Variants in ZRANB3 observed in about 807,000 individuals in gnomAD.
ZRANB3 encodes the protein zinc finger RANBP2-type containing 3, also known as DNA annealing helicase and endonuclease ZRANB3.
ZRANB3 carries 125 observed loss-of-function variants against 133.8 expected under a neutral mutation model. That is an observed-to-expected ratio of 0.93 (90% CI 0.81 to 1.08). The LOEUF (loss-of-function observed/expected upper bound fraction) is 1.08. Ranked by LOEUF, ZRANB3 falls within the 50% of genes least tolerant of loss-of-function variation. The pLI is 0.00. For synonymous variants in ZRANB3, 387 were observed against 432.7 expected (o/e 0.89, Z 1.31); for missense variants, 1,229 against 1,275.5 (o/e 0.96, Z 0.56).
chr2:135,470,840 C>T (rs188910244), intron 2 of ZRANB3, among the ~76,000 whole-genome samples: 4,879 of 145,580 alleles, frequency 0.034, 110 homozygotes, highest in Middle Eastern at 0.11. Context: ...CTCACTCTGT[C>T]GCCCAGGCTG....
At chr2:135,201,699 C>G (rs1405177095) in intron 20 of ZRANB3, among the ~76,000 whole-genome samples, 1 of 150,844 alleles carries the variant, frequency 6.6e-6, no homozygotes, top group African/African-American at 2.4e-5. Context: ...AGAGTTCATA[C>G]TTTATAAACA....
intron 2 of ZRANB3, among the ~76,000 whole-genome samples, chr2:135,414,657 T>C (rs1195376125): frequency 6.6e-5 from 10 of 152,138 alleles, no homozygotes; most frequent in Non-Finnish European, 1.5e-4. Flanking sequence ...ATACATTTTT[T>C]TCAGCACCAC....
intron 2 of ZRANB3, among the ~76,000 whole-genome samples, chr2:135,485,233 G>C (rs928871564): frequency 6.6e-6 from 1 of 150,904 alleles, no homozygotes; most frequent in Non-Finnish European, 1.5e-5. Context: ...CAGTTCCAAA[G>C]TAGGAGGAAT....
intron 2 of ZRANB3, among the ~76,000 whole-genome samples, chr2:135,397,673 A>G (rs1687553901): frequency 6.6e-6 from 1 of 152,204 alleles, no homozygotes; most frequent in South Asian, 2.1e-4. Context: ...CAGGAGGGCT[A>G]CTAAAAGTAA....
At chr2:135,398,449 T>C (rs1284971969) in intron 2 of ZRANB3, among the ~76,000 whole-genome samples, 2 of 152,056 alleles carry the variant, frequency 1.3e-5, no homozygotes, top group African/African-American at 4.8e-5. Flanking sequence ...AGCTGCACAT[T>C]TCATTGTATC....
chr2:135,355,137 T>G (rs1685372972), intron 3 of ZRANB3: 1 of 770,112 alleles, frequency 1.3e-6, no homozygotes, highest in African/African-American at 1.9e-5. Context: ...TTGAGAAAAC[T>G]TTATTATTTT....
chr2:135,455,858 T>G (rs533984768), intron 2 of ZRANB3, among the ~76,000 whole-genome samples: 15 of 152,232 alleles, frequency 9.9e-5, no homozygotes, highest in South Asian at 2.1e-4. Flanking sequence ...CCTCCCAAAG[T>G]GCTGGGATTA....
chr2:135,272,623 C>G (rs1481388359), intron 9 of ZRANB3, among the ~76,000 whole-genome samples: 2 of 151,734 alleles, frequency 1.3e-5, no homozygotes, highest in Non-Finnish European at 2.9e-5. Context: ...CAGTGTTAGC[C>G]AGGATGGTCT....
Position 135,422,722 on chromosome 2 carries a change from T to C in ZRANB3, c.162-31902A>G, listed in dbSNP as rs1293597155. Reference sequence around the variant, plus strand: ...GGTATTACTGCAGGAGGAGAGGGTGTGAAGATGTGAAGAAAATAGAATGAC... The same window carrying C: ...GGTATTACTGCAGGAGGAGAGGGTGCGAAGATGTGAAGAAAATAGAATGAC... On this transcript the variant is annotated intron_variant, in intron 2 of 20. Coordinates refer to ENST00000264159, the MANE Select transcript of ZRANB3 (RefSeq NM_032143.4). Among the ~76,000 whole-genome samples the C allele has an allele frequency of 3.3e-5, 5 of 152,220 alleles. No homozygotes were observed. The East Asian group carries it at 7.7e-4, about 24-fold the overall frequency.
intron 8 of ZRANB3, 49 bp downstream of exon 8, chr2:135,313,440 T>A: frequency 8.4e-7 from 1 of 1,188,984 alleles, no homozygotes; most frequent in Non-Finnish European, 1.2e-6. Flanking sequence ...GTAAAAGACA[T>A]TGAATAATTT....
At chr2:135,478,137 G>A (rs1445154823) in intron 2 of ZRANB3, among the ~76,000 whole-genome samples, 1 of 151,776 alleles carries the variant, frequency 6.6e-6, no homozygotes. Flanking sequence ...GAACTATTTC[G>A]ATAGTGTCTA....
intron 12 of ZRANB3, among the ~76,000 whole-genome samples, chr2:135,258,373 G>A (rs1373383668): frequency 6.6e-6 from 1 of 152,212 alleles, no homozygotes; most frequent in East Asian, 1.9e-4. Context: ...GAGCCTTGGG[G>A]AGTTAGCACC....
chr2:135,443,951 A>G (rs571213926), intron 2 of ZRANB3, among the ~76,000 whole-genome samples: 2 of 152,322 alleles, frequency 1.3e-5, no homozygotes, highest in East Asian at 1.9e-4. Flanking sequence ...AGACAACCCA[A>G]TTAAAACTTA....
intron 3 of ZRANB3, among the ~76,000 whole-genome samples, chr2:135,365,428 A>C (rs1685887439): frequency 6.6e-6 from 1 of 152,240 alleles, no homozygotes. Context: ...TAATCAATTA[A>C]AGTGCTATAT....
intron 12 of ZRANB3, among the ~76,000 whole-genome samples, chr2:135,264,707 T>C (rs1680137382): frequency 6.6e-6 from 1 of 152,012 alleles, no homozygotes; most frequent in Non-Finnish European, 1.5e-5. Context: ...TATTGGCTAT[T>C]CAGGTGTCCT....
rs780775027 is a variant in ZRANB3, at chr2:135,350,031, G to T, written c.544C>A (p.Arg182=). 4.4e-6 allele frequency: 7 copies of T among 1,603,374 alleles called. 1 individual carries two copies. Among genetic ancestry groups the T allele is most frequent in the South Asian group, 3.3e-5 (3 of 90,414 alleles). The change falls in exon 5 of 21, where the codon CGA becomes AGA. Residue 182 remains arginine, a synonymous_variant. Transcript: ENST00000264159. The part of the protein sequence containing the change: ...ILLPIVQKAR[R]AILLTGTPAL... Reference sequence around the variant, plus strand: ...GGTGTTCCTGTAAGAAGAATGGCTCGTCTGGCTTTCTGTACTATTGGCAAT... The same window carrying T: ...GGTGTTCCTGTAAGAAGAATGGCTCTTCTGGCTTTCTGTACTATTGGCAAT...
At chr2:135,293,756 T>C (rs1242776967) in intron 8 of ZRANB3, among the ~76,000 whole-genome samples, 2 of 150,322 alleles carry the variant, frequency 1.3e-5, no homozygotes, top group Non-Finnish European at 3.0e-5. Context: ...TCTTATTATT[T>C]TGAGATAAAT....
intron 2 of ZRANB3, among the ~76,000 whole-genome samples, chr2:135,456,068 G>A (rs1176964816): frequency 1.3e-5 from 2 of 152,140 alleles, no homozygotes; most frequent in Admixed American, 6.6e-5. Flanking sequence ...TGGCTTTGGA[G>A]ATTTTTCTTT....
chr2:135,464,022 G>T (rs779802189), intron 2 of ZRANB3, among the ~76,000 whole-genome samples: 7 of 152,064 alleles, frequency 4.6e-5, no homozygotes, highest in Non-Finnish European at 8.8e-5. Flanking sequence ...TTCAGGGAGT[G>T]AAAAGAACAA....
Sources: allele counts gnomAD v4.1 joint callset (sites outside exome capture counted in the v4.1 genomes callset), GRCh38; gene constraint gnomAD v4.1.1; transcripts MANE v1.5; gene names NCBI Gene and HGNC (gene_info 2026-07-23, HGNC 2026-07-21).